The following FOXK1 variants were observed in gnomAD, a reference collection of about 807,000 sequenced individuals.
FOXK1 encodes forkhead box K1, also known as forkhead box protein K1.
In FOXK1, 19 loss-of-function variants were observed where a neutral mutation model predicts 51.9. The ratio of observed to expected loss-of-function variants is 0.37; its 90% confidence interval spans 0.26 to 0.54. The LOEUF (loss-of-function observed/expected upper bound fraction) is 0.54, where lower values mean the gene tolerates loss of function less well. Ranked by LOEUF, FOXK1 falls within the 20% of genes least tolerant of loss-of-function variation. The pLI is 0.87. For synonymous variants in FOXK1, 537 were observed against 482.6 expected (o/e 1.11, Z -1.48); for missense variants, 870 against 1,032.7 (o/e 0.84, Z 2.16).
intron 2 of FOXK1, among the ~76,000 whole-genome samples, chr7:4,750,994 C>T (rs1218954861): frequency 6.6e-6 from 1 of 150,522 alleles, no homozygotes; most frequent in Non-Finnish European, 1.5e-5. Flanking sequence ...CGTGAGCCAC[C>T]GTGCCTGGCC....
rs1202941776 is a variant in FOXK1 at position 4,764,341 on chromosome 7, C to G, written c.*1877C>G. On this transcript the variant is annotated 3_prime_UTR_variant, in exon 9 of 9. Transcript: ENST00000328914. ...AATTGAGTCGTTTCTATGGCACTAA[C>G]CTTTCCATGGGAAATAAGCTCTTTG... is the stretch of plus-strand genomic sequence containing the variant. 1 of 154,426 alleles carries G rather than the reference C, an allele frequency of 6.5e-6. No individual in the cohort carries two copies. Among genetic ancestry groups the G allele is most frequent in the Non-Finnish European group, 1.5e-5 (1 of 68,228 alleles). The allele number at this position is 154,426 out of a possible 1,614,324, so 9.6% of individuals were successfully genotyped here. A position where few individuals can be genotyped will look rare whatever the true frequency, so the allele number is the denominator to read the frequency against.
chr7:4,728,283 C>T (rs912058954), intron 1 of FOXK1, among the ~76,000 whole-genome samples: 4 of 152,242 alleles, frequency 2.6e-5, no homozygotes, highest in South Asian at 4.1e-4. Flanking sequence ...AATCCAGGAT[C>T]AGAAAAGTCT....
rs2115066527 is a variant in FOXK1 at position 4,749,108 on chromosome 7, T to G, written c.747-5351T>G. 6.6e-6 allele frequency among the ~76,000 whole-genome samples: 1 copy of G among 152,352 alleles called. No homozygotes were observed. Among genetic ancestry groups the G allele is most frequent in the South Asian group, 2.1e-4 (1 of 4,828 alleles). On this transcript the variant is annotated intron_variant, in intron 2 of 8. Transcript: ENST00000328914. This position sits in a 1 kb window ranked among gnomAD's most constrained non-coding sequence, Gnocchi z 6.0. ...TTTTCTCCAGTCTCTCCTTCCACCC[T>G]TTCTTGGATTTGTATTTCTCTTCTT...
chr7:4,762,294 G>T lies in FOXK1; in HGVS notation c.2032G>T (p.Ala678Ser), dbSNP rs546555728. 5.2e-5 allele frequency: 80 copies of T among 1,550,302 alleles called. 2 individuals are homozygous for T. The South Asian group carries it at 9.0e-4, about 18-fold the overall frequency. Reference sequence around the variant, plus strand: ...CAAGGAGCCAGCAGCAGCCGTCGCGGCCACGGCCACCACCACCCCAGCCAC... The same window carrying T: ...CAAGGAGCCAGCAGCAGCCGTCGCGTCCACGGCCACCACCACCCCAGCCAC... ...GPKEPAAAVA[A>S]TATTTPATAT... Residue 678 changes from alanine to serine, a missense_variant, in exon 9 of 9, where the codon GCC becomes TCC. Physicochemically the swap from Ala to Ser is moderately conservative, Grantham distance 99. Around this residue, in one of 3 missense-constraint regions of FOXK1, gnomAD observed 457 missense variants for 510.8 expected, o/e 0.89. Coordinates refer to ENST00000328914, the MANE Select transcript of FOXK1 (RefSeq NM_001037165.2). This position sits in a 1 kb window ranked among gnomAD's most constrained non-coding sequence, Gnocchi z 5.7.
chr7:4,724,982 A>C (rs985035947), intron 1 of FOXK1, among the ~76,000 whole-genome samples: 17 of 152,284 alleles, frequency 1.1e-4, no homozygotes, highest in African/African-American at 4.1e-4. Flanking sequence ...CAGGGAGAGG[A>C]GAAGTGGGTT....
intron 1 of FOXK1, among the ~76,000 whole-genome samples, chr7:4,690,796 AGAGT>A (rs1351718911): frequency 6.6e-6 from 1 of 152,226 alleles, no homozygotes; most frequent in Non-Finnish European, 1.5e-5. Flanking sequence ...ATTTGGAGAT[AGAGT>A]AATTTACGAT....
chr7:4,741,251 A>G (rs1002409473), intron 2 of FOXK1, among the ~76,000 whole-genome samples: 2 of 152,206 alleles, frequency 1.3e-5, no homozygotes, highest in African/African-American at 4.8e-5. Flanking sequence ...GAAATTTTAC[A>G]TATTAGAGCT....
Position 4,730,703 on chromosome 7 carries a change from G to T in FOXK1, c.561-10135G>T, listed in dbSNP as rs955005676. Among the ~76,000 whole-genome samples, 1 of 152,212 alleles carries T rather than the reference G, an allele frequency of 6.6e-6. No individual in the cohort carries two copies. The highest frequency in any genetic ancestry group is 2.4e-5 in the African/African-American group (1 of 41,440). On this transcript the variant is annotated intron_variant, in intron 1 of 8. Transcript: ENST00000328914. This position sits in a 1 kb window ranked among gnomAD's most constrained non-coding sequence, Gnocchi z 4.7. Reference sequence around the variant, plus strand: ...GCTCTTAGCTGCTGGCGAAGACGTGGTCTCTGCAATAGAGAGGCGCCTATG... The same window carrying T: ...GCTCTTAGCTGCTGGCGAAGACGTGTTCTCTGCAATAGAGAGGCGCCTATG...
At chr7:4,687,443 T>TGC (rs1779836073) in intron 1 of FOXK1, among the ~76,000 whole-genome samples, 1 of 151,492 alleles carries the variant, frequency 6.6e-6, no homozygotes, top group Non-Finnish European at 1.5e-5. Flanking sequence ...CAGGCGCACG[T>TGC]CACCACGCCT....
chr7:4,704,892 C>T (rs1253692644), intron 1 of FOXK1, among the ~76,000 whole-genome samples: 6 of 145,702 alleles, frequency 4.1e-5, no homozygotes, highest in Non-Finnish European at 8.9e-5. Flanking sequence ...AGTGCAGTGG[C>T]ATGAACTCAG....
rs978509277 is a variant in FOXK1, at chr7:4,716,722, T to C, written c.561-24116T>C. Among the ~76,000 whole-genome samples, 5 of 152,196 alleles carry C rather than the reference T, an allele frequency of 3.3e-5. No homozygotes were observed. The East Asian group carries it at 9.6e-4, about 29-fold the overall frequency. ...CACAGCAGGTTCCGGGTGGAGGTGCTCCTTGGAAGCTGTGTGAGAGGGGCT... is the reference window on the plus strand; with the variant it reads ...CACAGCAGGTTCCGGGTGGAGGTGCCCCTTGGAAGCTGTGTGAGAGGGGCT... On this transcript the variant is annotated intron_variant, in intron 1 of 8. Coordinates refer to ENST00000328914, the MANE Select transcript of FOXK1 (RefSeq NM_001037165.2).
At position 4,683,244 on chromosome 7, in the gene FOXK1, A is replaced by G. The variant is rs1275385409; in HGVS notation, c.560+376A>G. 4.2e-5 allele frequency among the ~76,000 whole-genome samples: 6 copies of G among 143,380 alleles called. No individual in the cohort carries two copies. Among genetic ancestry groups the G allele is most frequent in the Non-Finnish European group, 7.6e-5 (5 of 65,676 alleles). 94.1% of individuals were successfully genotyped at this position (143,380 alleles called of 152,430 possible). On this transcript the variant is annotated intron_variant, in intron 1 of 8. Coordinates refer to ENST00000328914, the MANE Select transcript of FOXK1 (RefSeq NM_001037165.2). The surrounding 1 kb of genome is among the most constrained non-coding windows in gnomAD (Gnocchi z 4.5). ...CCGGCCTGGGCTCCTGGAGCCACCC[A>G]TACCCCAAGCCCATCTGGCTGGGCC...
In FOXK1 at chr7:4,757,294, CAG is replaced by C. The variant is rs1780865669; in HGVS notation, c.1244+108_1244+109del. 3.9e-6 allele frequency: 4 copies of C among 1,014,414 alleles called. No individual in the cohort carries two copies. The South Asian group carries it at 6.2e-5, about 16-fold the overall frequency. 62.8% of individuals were successfully genotyped at this position (1,014,414 alleles called of 1,614,324 possible). The stretch of plus-strand genomic sequence containing the variant: ...CCCTCCGGATCTGTGGGCTCAGGCT[CAG>C]TGTACGGGCATGCAACTGATCACAG... On this transcript the variant is annotated intron_variant, in intron 5 of 8. Coordinates refer to ENST00000328914, the MANE Select transcript of FOXK1 (RefSeq NM_001037165.2).
In FOXK1 at chr7:4,762,544, C is replaced by A; in HGVS notation, c.*80C>A. ...ACCCGGCAGCTCAGGCGGCCGCACCCACAGACGGAGGAGAACAGCCCGCGG... is the reference window on the plus strand; with the variant it reads ...ACCCGGCAGCTCAGGCGGCCGCACCAACAGACGGAGGAGAACAGCCCGCGG... On this transcript the variant is annotated 3_prime_UTR_variant, in exon 9 of 9. Transcript: ENST00000328914. The surrounding 1 kb of genome is among the most constrained non-coding windows in gnomAD (Gnocchi z 5.7). 7.0e-7 allele frequency: 1 copy of A among 1,419,204 alleles called. No homozygotes were observed. Among genetic ancestry groups the A allele is most frequent in the Non-Finnish European group, 9.4e-7 (1 of 1,061,694 alleles). 87.9% of individuals were successfully genotyped at this position (1,419,204 alleles called of 1,614,324 possible). A position where few individuals can be genotyped will look rare whatever the true frequency, so the allele number is the denominator to read the frequency against.
At chr7:4,740,386 T>C (rs937214220) in intron 1 of FOXK1, among the ~76,000 whole-genome samples, 1 of 150,542 alleles carries the variant, frequency 6.6e-6, no homozygotes. Context: ...GCTGAGATCG[T>C]GTCCCTGCAC....
At position 4,711,409 on chromosome 7, in the gene FOXK1, CCCTGGAGTGATT is replaced by C. The variant is rs1014302110; in HGVS notation, c.560+28548_560+28559del. On this transcript the variant is annotated intron_variant, in intron 1 of 8. Coordinates refer to ENST00000328914, the MANE Select transcript of FOXK1 (RefSeq NM_001037165.2). This position sits in a 1 kb window ranked among gnomAD's most constrained non-coding sequence, Gnocchi z 6.3. ...TGGGTCCCAGCCAGCCGCCAGCTCT[CCCTGGAGTGATT>C]CCTGGATGTTGAGGAGGGAGAGATC... 1.3e-5 allele frequency among the ~76,000 whole-genome samples: 2 copies of C among 152,090 alleles called. No homozygotes were observed. The highest frequency in any genetic ancestry group is 4.8e-5 in the African/African-American group (2 of 41,402).
In FOXK1 at chr7:4,757,208, G is replaced by A. The variant is rs751437383; in HGVS notation, c.1244+21G>A. On this transcript the variant is annotated intron_variant, in intron 5 of 8. Transcript: ENST00000328914. Reference sequence around the variant, plus strand: ...TCAAGGTAAAGTTCTCTGAGCGCCCGTCCTCCAGCTGTTAGGAAAGCTGAG... The same window carrying A: ...TCAAGGTAAAGTTCTCTGAGCGCCCATCCTCCAGCTGTTAGGAAAGCTGAG... 3.5e-5 allele frequency: 55 copies of A among 1,568,996 alleles called. 1 individual carries two copies. The highest frequency in any genetic ancestry group is 1.5e-4 in the South Asian group (13 of 85,372).
chr7:4,740,155 G>T (rs1780613604), intron 1 of FOXK1, among the ~76,000 whole-genome samples: 1 of 152,142 alleles, frequency 6.6e-6, no homozygotes, highest in Non-Finnish European at 1.5e-5. Flanking sequence ...AATTGGCCAG[G>T]CGCGGTGGCT....
chr7:4,687,009 C>T (rs1164361858), intron 1 of FOXK1, among the ~76,000 whole-genome samples: 21 of 151,324 alleles, frequency 1.4e-4, no homozygotes, highest in Admixed American at 9.2e-4. Context: ...CTTGGCTCAC[C>T]GCAAGCTCCG....
Sources: gnomAD v4.1 joint callset for allele counts (sites outside exome capture counted in the v4.1 genomes callset) on GRCh38, gnomAD v4.1.1 for gene constraint, gnomAD v4.1.1 regional missense constraint, Gnocchi (gnomAD v3.1) non-coding constraint, MANE v1.5 for transcripts, NCBI Gene and HGNC (gene_info 2026-07-23, HGNC 2026-07-21) for gene names.